SMIM35: variants seen among roughly 807,000 people sequenced by gnomAD.
SMIM35 encodes TMPRSS4 antisense RNA 1 (non-protein coding).
At chr11:118,081,676 G>A (rs563420703) in intron 1 of SMIM35, among the ~76,000 whole-genome samples, 2 of 152,348 alleles carry the variant, frequency 1.3e-5, no homozygotes, top group South Asian at 2.1e-4. Context: ...GCTGGGCGTC[G>A]CCCGCTGGTG....
At chr11:118,006,967 C>T (rs2058125062) in intron 4 of SMIM35, among the ~76,000 whole-genome samples, 1 of 152,240 alleles carries the variant, frequency 6.6e-6, no homozygotes, top group East Asian at 1.9e-4. Context: ...CATTGAGCCT[C>T]TGTCATGGGC....
chr11:118,049,473 T>C (rs1418460268), intron 1 of SMIM35, among the ~76,000 whole-genome samples: 1 of 149,976 alleles, frequency 6.7e-6, no homozygotes, highest in African/African-American at 2.5e-5. Flanking sequence ...CTCAGCCTCC[T>C]GAGTAGCTGG....
chr11:118,016,067 C>T (rs1352142449), intron 1 of SMIM35, among the ~76,000 whole-genome samples: 4 of 152,136 alleles, frequency 2.6e-5, no homozygotes, highest in Non-Finnish European at 5.9e-5. Context: ...TGTTTGAGGT[C>T]TTTTTGAAGC....
intron 1 of SMIM35, among the ~76,000 whole-genome samples, chr11:118,042,471 T>G (rs1944021042): frequency 6.6e-6 from 1 of 151,036 alleles, no homozygotes; most frequent in African/African-American, 2.4e-5. Context: ...CAATAAAAAA[T>G]AATACCCACA....
intron 2 of SMIM35, among the ~76,000 whole-genome samples, chr11:118,015,420 G>A (rs1765407308): frequency 6.6e-6 from 1 of 152,124 alleles, no homozygotes; most frequent in Admixed American, 6.5e-5. Context: ...AGAGACCGCT[G>A]GCATGGACGT....
At chr11:118,024,170 T>C (rs2058255215) in intron 1 of SMIM35, among the ~76,000 whole-genome samples, 1 of 152,152 alleles carries the variant, frequency 6.6e-6, no homozygotes, top group Non-Finnish European at 1.5e-5. Context: ...AATTTTCCAA[T>C]TTTGAAGAAC....
chr11:118,028,930 A>G, intron 1 of SMIM35: 2 of 424,798 alleles, frequency 4.7e-6, no homozygotes, highest in Non-Finnish European at 9.3e-6. Context: ...GGGAAAAATA[A>G]GAGGAAGAGG....
intron 1 of SMIM35, among the ~76,000 whole-genome samples, chr11:118,081,096 T>C (rs1445956343): frequency 6.6e-6 from 1 of 152,222 alleles, no homozygotes; most frequent in Non-Finnish European, 1.5e-5. Flanking sequence ...AGGCACTTAG[T>C]AAATGTGAAT....
intron 1 of SMIM35, chr11:118,077,044 CTGTTTT>C: frequency 2.1e-6 from 1 of 472,460 alleles, no homozygotes; most frequent in Non-Finnish European, 3.8e-6. Context: ...ACTTGTAGGG[CTGTTTT>C]AATCAAGCTG....
intron 1 of SMIM35, among the ~76,000 whole-genome samples, chr11:118,043,671 G>A (rs2212358): frequency 0.28 from 42,187 of 151,698 alleles, 5,864 homozygotes; most frequent in South Asian, 0.3. Context: ...TTAACTGGGC[G>A]TGGTGGTGGG....
chr11:118,034,697 C>T (rs1452534980), intron 1 of SMIM35, among the ~76,000 whole-genome samples: 1 of 152,198 alleles, frequency 6.6e-6, no homozygotes, highest in African/African-American at 2.4e-5. Context: ...GAGCGAGATC[C>T]TGTCTCAAAA....
intron 1 of SMIM35, among the ~76,000 whole-genome samples, chr11:118,044,989 A>G (rs2037811721): frequency 6.6e-6 from 1 of 152,170 alleles, no homozygotes; most frequent in South Asian, 2.1e-4. Context: ...CACATCAAAC[A>G]AAATCAGAAG....
chr11:118,012,012 C>T (rs1360680040), intron 4 of SMIM35, among the ~76,000 whole-genome samples: 2 of 152,206 alleles, frequency 1.3e-5, no homozygotes, highest in South Asian at 2.1e-4. Context: ...TGAGGCTCCC[C>T]ACCTTCCTTC....
rs977432567 is a variant in SMIM35, at chr11:118,014,690, T to G, written c.158+18A>C. On this transcript the variant is annotated intron_variant, in intron 3 of 4. Coordinates refer to ENST00000689828, the MANE Select transcript of SMIM35 (RefSeq NM_001394165.1). ...CCCCAACCCCCACCTCACCCAGATATTCCCTGAATTTACTCACCGGATTTG... is the reference window on the plus strand; with the variant it reads ...CCCCAACCCCCACCTCACCCAGATAGTCCCTGAATTTACTCACCGGATTTG... 14 of 398,738 alleles carry G rather than the reference T, an allele frequency of 3.5e-5. No homozygotes were observed. The highest frequency in any genetic ancestry group is 6.2e-5 in the Non-Finnish European group (14 of 226,038). The allele number at this position is 398,738 out of a possible 1,614,324, so 24.7% of individuals were successfully genotyped here. A position where few individuals can be genotyped will look rare whatever the true frequency, so the allele number is the denominator to read the frequency against.
At chr11:118,033,297 T>G (rs2058332671) in intron 1 of SMIM35, among the ~76,000 whole-genome samples, 1 of 152,204 alleles carries the variant, frequency 6.6e-6, no homozygotes. Flanking sequence ...TGTTTATTAA[T>G]TTAGGTCTAC....
intron 4 of SMIM35, among the ~76,000 whole-genome samples, chr11:118,007,469 C>CA (rs1235757514): frequency 2.0e-5 from 3 of 152,070 alleles, no homozygotes; most frequent in Admixed American, 2.0e-4. Flanking sequence ...AATCTTGGCT[C>CA]ACTGCAACCT....
intron 1 of SMIM35, among the ~76,000 whole-genome samples, chr11:118,064,563 C>T (rs1944439894): frequency 6.6e-6 from 1 of 152,198 alleles, no homozygotes; most frequent in South Asian, 2.1e-4. Flanking sequence ...GGACTACAGG[C>T]ATGTGCCATC....
chr11:118,072,696 T>A (rs968635668), intron 1 of SMIM35, among the ~76,000 whole-genome samples: 7 of 152,244 alleles, frequency 4.6e-5, no homozygotes, highest in African/African-American at 1.2e-4. Flanking sequence ...AACATCTTTT[T>A]AAGCTTACTG....
chr11:118,018,230 G>A (rs1239632996), intron 1 of SMIM35, among the ~76,000 whole-genome samples: 1 of 152,124 alleles, frequency 6.6e-6, no homozygotes, highest in African/African-American at 2.4e-5. Flanking sequence ...GACAATGAGG[G>A]GAGCTTGGCT....
Sources: allele counts gnomAD v4.1 joint callset (sites outside exome capture counted in the v4.1 genomes callset), GRCh38; gene constraint gnomAD v4.1.1; transcripts MANE v1.5; gene names NCBI Gene and HGNC (gene_info 2026-07-23, HGNC 2026-07-21).